Variants in CSMD1 observed in about 807,000 individuals in gnomAD.
CSMD1 encodes CUB and sushi domain-containing protein 1.
A neutral mutation model predicts 417.5 loss-of-function variants in CSMD1; 213 were observed. That is an observed-to-expected ratio of 0.51 (90% CI 0.46 to 0.57). The LOEUF is 0.57. Ranked by LOEUF, CSMD1 falls within the 20% of genes least tolerant of loss-of-function variation. CSMD1 has a pLI of 0.00. For missense variants in CSMD1, 6,923 were observed against 4,529.7 expected (o/e 1.53, Z -15.17); for synonymous variants, 2,862 against 1,736.8 (o/e 1.65, Z -16.11).
intron 49 of CSMD1, among the ~76,000 whole-genome samples, chr8:3,078,259 G>A (rs1475201532): frequency 6.6e-6 from 1 of 152,090 alleles, no homozygotes; most frequent in African/African-American, 2.4e-5. Flanking sequence ...TACCCTTTTT[G>A]AACACTTCCA....
chr8:3,343,037 C>G (rs1236619566), intron 23 of CSMD1, among the ~76,000 whole-genome samples: 1 of 152,060 alleles, frequency 6.6e-6, no homozygotes, highest in Non-Finnish European at 1.5e-5. Flanking sequence ...CCCATCAGAT[C>G]TAAAATGTTG....
intron 23 of CSMD1, among the ~76,000 whole-genome samples, chr8:3,337,851 A>G (rs1379338141): frequency 1.3e-5 from 2 of 152,150 alleles, no homozygotes; most frequent in East Asian, 3.8e-4. Context: ...CCAAACCGTA[A>G]GTGTTTATGA....
chr8:4,450,332 T>C (rs6999219), intron 2 of CSMD1, among the ~76,000 whole-genome samples: 1 of 152,094 alleles, frequency 6.6e-6, no homozygotes, highest in Non-Finnish European at 1.5e-5. Context: ...TTTGTTTTTT[T>C]AAAGATATTT....
At chr8:3,548,346 G>A (rs78767027) in intron 10 of CSMD1, among the ~76,000 whole-genome samples, 7,947 of 151,896 alleles carry the variant, frequency 0.052, 598 homozygotes, top group African/African-American at 0.17. Flanking sequence ...ATTTGGTTAC[G>A]TGATCGAGTT....
At chr8:3,801,688 A>T (rs1175479768) in intron 5 of CSMD1, among the ~76,000 whole-genome samples, 27 of 152,206 alleles carry the variant, frequency 1.8e-4, no homozygotes, top group Non-Finnish European at 4.4e-5. Context: ...TCATGGCAGC[A>T]TCATTCATAA....
chr8:4,355,063 C>T (rs1002401995), intron 3 of CSMD1, among the ~76,000 whole-genome samples: 1 of 151,792 alleles, frequency 6.6e-6, no homozygotes, highest in African/African-American at 2.4e-5. Context: ...GAGATCGAGA[C>T]CATCCTGGCT....
chr8:3,036,931 G>A (rs1465936039), intron 50 of CSMD1, among the ~76,000 whole-genome samples: 5 of 152,148 alleles, frequency 3.3e-5, no homozygotes, highest in African/African-American at 7.2e-5. Flanking sequence ...CAAGCAGTGT[G>A]CACTGTATCC....
chr8:4,882,046 T>G (rs550233940), intron 1 of CSMD1, among the ~76,000 whole-genome samples: 1 of 152,216 alleles, frequency 6.6e-6, no homozygotes, highest in South Asian at 2.1e-4. Context: ...GTAATCTCAC[T>G]GAATTTCTGT....
intron 1 of CSMD1, among the ~76,000 whole-genome samples, chr8:4,797,960 C>G (rs1420788994): frequency 6.6e-6 from 1 of 152,178 alleles, no homozygotes; most frequent in African/African-American, 2.4e-5. Context: ...GCCTAGACTA[C>G]AGTTTTCCCA....
At chr8:3,421,814 T>G (rs1010629699) in intron 12 of CSMD1, among the ~76,000 whole-genome samples, 1 of 152,144 alleles carries the variant, frequency 6.6e-6, no homozygotes, top group Non-Finnish European at 1.5e-5. Context: ...ATTCTTGTAT[T>G]TTTCGTACAG....
chr8:3,462,083 T>C (rs1210776624), intron 12 of CSMD1, among the ~76,000 whole-genome samples: 1 of 150,038 alleles, frequency 6.7e-6, no homozygotes, highest in Non-Finnish European at 1.5e-5. Flanking sequence ...CTGTATTTGA[T>C]CCCAAGGGCA....
chr8:4,228,306 T>C (rs535402898), intron 3 of CSMD1, among the ~76,000 whole-genome samples: 32 of 152,340 alleles, frequency 2.1e-4, no homozygotes, highest in African/African-American at 7.0e-4. Flanking sequence ...TAAAACTCTT[T>C]GAAATAGGTG....
At chr8:4,190,220 C>T (rs915984943) in intron 3 of CSMD1, among the ~76,000 whole-genome samples, 7 of 144,690 alleles carry the variant, frequency 4.8e-5, no homozygotes, top group Non-Finnish European at 8.9e-5. Flanking sequence ...GATCGAGTCA[C>T]TGCCCTCCAG....
At chr8:4,733,535 G>C (rs149885703) in intron 1 of CSMD1, among the ~76,000 whole-genome samples, 62 of 152,314 alleles carry the variant, frequency 4.1e-4, no homozygotes, top group African/African-American at 1.3e-3. Flanking sequence ...AAGATAGATA[G>C]TGCATTGCCC....
At chr8:4,829,871 A>T (rs1239321978) in intron 1 of CSMD1, among the ~76,000 whole-genome samples, 1 of 152,200 alleles carries the variant, frequency 6.6e-6, no homozygotes, top group South Asian at 2.1e-4. Flanking sequence ...AGAGTGGTAC[A>T]AAGTTTACTT....
At chr8:4,960,064 C>T (rs956579095) in intron 1 of CSMD1, among the ~76,000 whole-genome samples, 1 of 152,254 alleles carries the variant, frequency 6.6e-6, no homozygotes, top group Non-Finnish European at 1.5e-5. Flanking sequence ...CAGTGCCTTA[C>T]CACCATTGGG....
At chr8:3,666,766 A>T (rs554790307) in intron 7 of CSMD1, among the ~76,000 whole-genome samples, 12 of 152,160 alleles carry the variant, frequency 7.9e-5, no homozygotes, top group Non-Finnish European at 1.0e-4. Context: ...TCCATGTAAG[A>T]TGTGCCTTTA....
intron 3 of CSMD1, among the ~76,000 whole-genome samples, chr8:4,161,801 G>C (rs1405992124): frequency 2.0e-5 from 3 of 151,956 alleles, no homozygotes; most frequent in African/African-American, 7.2e-5. Context: ...AACAAAATTT[G>C]TTCATTTTTT....
chr8:4,238,431 A>G (rs975125863), intron 3 of CSMD1, among the ~76,000 whole-genome samples: 4 of 152,170 alleles, frequency 2.6e-5, no homozygotes, highest in Non-Finnish European at 5.9e-5. Flanking sequence ...TCACAAATCA[A>G]TACTGTGATT....
Sources: gnomAD v4.1 joint callset for allele counts (sites outside exome capture counted in the v4.1 genomes callset) on GRCh38, gnomAD v4.1.1 for gene constraint, MANE v1.5 for transcripts, NCBI Gene and HGNC (gene_info 2026-07-23, HGNC 2026-07-21) for gene names.